The following HNRNPLL variants were observed in gnomAD, a reference collection of about 807,000 sequenced individuals.
The protein encoded by HNRNPLL is heterogeneous nuclear ribonucleoprotein L-like.
A neutral mutation model predicts 67.1 loss-of-function variants in HNRNPLL; 25 were observed. That is an observed-to-expected ratio of 0.37 (90% CI 0.27 to 0.52). HNRNPLL has a LOEUF of 0.52. Ranked by LOEUF, HNRNPLL falls within the 20% of genes least tolerant of loss-of-function variation. The pLI is 0.90. For synonymous variants in HNRNPLL, 267 were observed against 241.7 expected (o/e 1.10, Z -0.97); for missense variants, 542 against 673.9 (o/e 0.80, Z 2.17).
chr2:38,602,597 C>A lies in HNRNPLL; in HGVS notation c.30G>T (p.Glu10Asp). 1 of 1,570,512 alleles carries A rather than the reference C, an allele frequency of 6.4e-7. No individual in the cohort carries two copies. MSSSSSSPRETYEEDREYES... is the reference protein window; with the variant it reads MSSSSSSPRDTYEEDREYES... ...CGTACTCCCGGTCCTCCTCGTACGT[C>A]TCCCTGGGGGAGGAAGAGGAGGAGG... is the stretch of plus-strand genomic sequence containing the variant. The change falls in exon 1 of 13, where the codon GAG (glutamate) becomes GAT (aspartate). Residue 10 changes from glutamate to aspartate, a missense_variant. Glu to Asp is a conservative substitution (Grantham distance 45). Transcript: ENST00000449105.
intron 12 of HNRNPLL, chr2:38,566,078 T>C (rs1159936374): frequency 1.0e-6 from 1 of 987,552 alleles, no homozygotes; most frequent in East Asian, 1.1e-4. Flanking sequence ...CAGCAAAAAG[T>C]TTCAAAAATT....
chr2:38,581,979 G>A lies in HNRNPLL; in HGVS notation c.736C>T (p.Arg246Cys), dbSNP rs2148359121. The change falls in exon 6 of 13, where the codon CGT becomes TGT. Residue 246 changes from arginine to cysteine, a missense_variant. By Grantham distance (180) the Arg-to-Cys change is radical. Transcript: ENST00000449105. ...TTGTCATTCCTAATAACATTTAGAC[G>A]AGTTGGCTGTTAAGATTGAAAATAA... Reference protein sequence around the residue: ...TLKIEYARPTRLNVIRNDNDS... With the variant: ...TLKIEYARPTCLNVIRNDNDS... 4.3e-6 allele frequency: 7 copies of A among 1,610,324 alleles called. No homozygotes were observed. The highest frequency in any genetic ancestry group is 2.2e-5 in the East Asian group (1 of 44,826).
intron 1 of HNRNPLL, among the ~76,000 whole-genome samples, chr2:38,600,319 T>C (rs1017566063): frequency 2.0e-5 from 3 of 152,228 alleles, no homozygotes; most frequent in African/African-American, 7.2e-5. Context: ...AGCATTAGCA[T>C]TACGTTAATC....
At chr2:38,574,649 TAAC>T (rs1295595984) in intron 7 of HNRNPLL, among the ~76,000 whole-genome samples, 4 of 151,834 alleles carry the variant, frequency 2.6e-5, no homozygotes, top group Admixed American at 6.6e-5. Context: ...CTGCCATTCA[TAAC>T]AACACAGTAA....
chr2:38,597,812 G>A (rs899715493), intron 1 of HNRNPLL, among the ~76,000 whole-genome samples: 9 of 151,278 alleles, frequency 5.9e-5, no homozygotes, highest in East Asian at 1.9e-4. Flanking sequence ...CTCAGCCTCC[G>A]GAGTAGCTGG....
chr2:38,569,101 C>T, intron 10 of HNRNPLL, 32 bp downstream of exon 10: 2 of 1,409,748 alleles, frequency 1.4e-6, no homozygotes, highest in South Asian at 2.3e-5. Flanking sequence ...GAAATAGCAA[C>T]ATTCTATACA....
At chr2:38,589,581 G>A (rs1666882417) in intron 2 of HNRNPLL, among the ~76,000 whole-genome samples, 1 of 152,086 alleles carries the variant, frequency 6.6e-6, no homozygotes. Context: ...AATCTTGAGG[G>A]CAAAATGACG....
chr2:38,565,398 T>A (rs1368928084), intron 12 of HNRNPLL, among the ~76,000 whole-genome samples: 1 of 152,158 alleles, frequency 6.6e-6, no homozygotes, highest in East Asian at 1.9e-4. Flanking sequence ...CTTTTTTTTC[T>A]TTTAACTAAA....
chr2:38,582,026 C>A, intron 5 of HNRNPLL, 41 bp from the exon 6 acceptor site: 1 of 1,597,936 alleles, frequency 6.3e-7, no homozygotes, highest in Non-Finnish European at 8.6e-7. Context: ...ACTGCATATC[C>A]AAAGCATAAA....
intron 2 of HNRNPLL, among the ~76,000 whole-genome samples, chr2:38,588,150 T>G (rs1205454803): frequency 6.6e-6 from 1 of 152,154 alleles, no homozygotes. Flanking sequence ...CTCAAATACG[T>G]CTTTATAGCA....
chr2:38,600,912 G>C (rs979521447), intron 1 of HNRNPLL, among the ~76,000 whole-genome samples: 4 of 152,044 alleles, frequency 2.6e-5, no homozygotes, highest in African/African-American at 9.7e-5. Context: ...TGCTTTATCT[G>C]TTTTCAAAAA....
chr2:38,581,671 T>TGCGG, intron 6 of HNRNPLL: 5 of 532,820 alleles, frequency 9.4e-6, no homozygotes, highest in Non-Finnish European at 1.6e-5. Flanking sequence ...GTCCTTGAAC[T>TGCGG]GCGGGCGTGC....
rs367722922 is a variant in HNRNPLL, at chr2:38,562,819, T to G, written c.*1363A>C. ...ATGTGTGTTTAGTTTCCATCTAAAC[T>G]TCCTATTAAACAGCTCTAAAATTGT... On this transcript the variant is annotated 3_prime_UTR_variant, in exon 13 of 13. Coordinates refer to ENST00000449105, the MANE Select transcript of HNRNPLL (RefSeq NM_138394.4). 6.6e-6 allele frequency: 1 copy of G among 152,138 alleles called. No homozygotes were observed. The highest frequency in any genetic ancestry group is 2.1e-4 in the South Asian group (1 of 4,836). 9.4% of individuals were successfully genotyped at this position (152,138 alleles called of 1,614,324 possible). A position where few individuals can be genotyped will look rare whatever the true frequency, so the allele number is the denominator to read the frequency against.
intron 1 of HNRNPLL, chr2:38,601,876 T>A (rs996119212): frequency 6.6e-6 from 1 of 152,584 alleles, no homozygotes; most frequent in African/African-American, 2.4e-5. Flanking sequence ...GCCATGCTTA[T>A]AAAGAGTTTA....
chr2:38,562,698 G>T lies in HNRNPLL; in HGVS notation c.*1484C>A, dbSNP rs987158278. 6.6e-6 allele frequency: 1 copy of T among 152,016 alleles called. No individual in the cohort carries two copies. The highest frequency in any genetic ancestry group is 1.9e-4 in the East Asian group (1 of 5,194). 9.4% of individuals were successfully genotyped at this position (152,016 alleles called of 1,614,324 possible). On this transcript the variant is annotated 3_prime_UTR_variant, in exon 13 of 13. Transcript: ENST00000449105. ...TAACTTACTGGGTTCTGTGATAAGGGTCTAAAATACTTCTAGATTAAATTT... is the reference window on the plus strand; with the variant it reads ...TAACTTACTGGGTTCTGTGATAAGGTTCTAAAATACTTCTAGATTAAATTT...
chr2:38,583,345 A>C (rs2148361768), intron 4 of HNRNPLL, among the ~76,000 whole-genome samples: 1 of 152,184 alleles, frequency 6.6e-6, no homozygotes, highest in East Asian at 1.9e-4. Context: ...TTTTCTCTTT[A>C]TTATTATTAT....
At chr2:38,566,978 A>C (rs1246887951) in intron 12 of HNRNPLL, among the ~76,000 whole-genome samples, 1 of 152,236 alleles carries the variant, frequency 6.6e-6, no homozygotes, top group Non-Finnish European at 1.5e-5. Context: ...ATACATCTTG[A>C]CTATAAATAG....
intron 7 of HNRNPLL, among the ~76,000 whole-genome samples, chr2:38,576,305 C>A (rs1430842008): frequency 2.6e-5 from 4 of 151,716 alleles, no homozygotes; most frequent in African/African-American, 9.7e-5. Context: ...TTTTTTGTAA[C>A]CCTCCATTAT....
chr2:38,592,794 A>T (rs1425490649), intron 1 of HNRNPLL, among the ~76,000 whole-genome samples: 1 of 152,252 alleles, frequency 6.6e-6, no homozygotes, highest in Non-Finnish European at 1.5e-5. Context: ...CACCGTGTAC[A>T]TCCCTGTCTA....
Sources: gnomAD v4.1 joint callset for allele counts (sites outside exome capture counted in the v4.1 genomes callset) on GRCh38, gnomAD v4.1.1 for gene constraint, MANE v1.5 for transcripts, NCBI Gene and HGNC (gene_info 2026-07-23, HGNC 2026-07-21) for gene names.